The following CPPED1 variants were observed in gnomAD, a reference collection of about 807,000 sequenced individuals.
The protein encoded by CPPED1 is calcineurin like phosphoesterase domain containing 1.
Under a neutral mutation model 28.0 loss-of-function variants are expected in CPPED1, and 28 were observed. The ratio of observed to expected loss-of-function variants is 1.00; its 90% CI spans 0.74 to 1.37. The LOEUF (loss-of-function observed/expected upper bound fraction) is 1.37, where lower values mean the gene tolerates loss of function less well. Ranked by LOEUF, CPPED1 falls within the 40% of genes most tolerant of loss-of-function variation. CPPED1 has a pLI of 0.00. For missense variants in CPPED1, 504 were observed against 416.5 expected (o/e 1.21, Z -1.83); for synonymous variants, 198 against 180.2 (o/e 1.10, Z -0.79).
chr16:12,734,775 G>A (rs2080218493), intron 2 of CPPED1, among the ~76,000 whole-genome samples: 1 of 152,152 alleles, frequency 6.6e-6, no homozygotes, highest in Non-Finnish European at 1.5e-5. Flanking sequence ...TCAGAGAGAT[G>A]AGTCCTCTCA....
intron 3 of CPPED1, among the ~76,000 whole-genome samples, chr16:12,703,601 G>A (rs2080031668): frequency 6.7e-6 from 1 of 149,916 alleles, no homozygotes. Context: ...AGAATCACTT[G>A]AACCTGGGAG....
chr16:12,674,995 C>A (rs1266992408), intron 3 of CPPED1, among the ~76,000 whole-genome samples: 1 of 152,196 alleles, frequency 6.6e-6, no homozygotes, highest in Non-Finnish European at 1.5e-5. Context: ...CATGGCAGTC[C>A]AGCTCTGCAA....
At chr16:12,748,607 C>T (rs985539078) in intron 2 of CPPED1, among the ~76,000 whole-genome samples, 1 of 152,108 alleles carries the variant, frequency 6.6e-6, no homozygotes. Flanking sequence ...CAAGACTGGC[C>T]GGGCGCGGTG....
At chr16:12,693,062 G>C (rs555121008) in intron 3 of CPPED1, among the ~76,000 whole-genome samples, 11 of 152,194 alleles carry the variant, frequency 7.2e-5, no homozygotes, top group African/African-American at 2.7e-4. Context: ...ATTTAAAATA[G>C]ATTCAAGAGT....
intron 1 of CPPED1, among the ~76,000 whole-genome samples, chr16:12,792,843 G>T (rs1445211674): frequency 6.6e-6 from 1 of 152,124 alleles, no homozygotes; most frequent in Non-Finnish European, 1.5e-5. Context: ...CCCCAGCCAT[G>T]TGAAGTGTCA....
At chr16:12,683,212 T>C (rs766389193) in intron 3 of CPPED1, among the ~76,000 whole-genome samples, 1 of 152,124 alleles carries the variant, frequency 6.6e-6, no homozygotes, top group Non-Finnish European at 1.5e-5. Context: ...CCAAGAAAAA[T>C]TCTGATCAGG....
chr16:12,775,721 CA>C (rs1035377773), intron 2 of CPPED1, among the ~76,000 whole-genome samples: 3 of 152,166 alleles, frequency 2.0e-5, no homozygotes, highest in Non-Finnish European at 4.4e-5. Flanking sequence ...AGCCAGGCTG[CA>C]AAACGAAGCG....
intron 2 of CPPED1, among the ~76,000 whole-genome samples, chr16:12,748,254 A>C (rs1221399588): frequency 6.6e-6 from 1 of 152,200 alleles, no homozygotes; most frequent in Admixed American, 6.5e-5. Context: ...TGTTATACTC[A>C]TATATGGTAA....
At position 12,722,407 on chromosome 16, in the gene CPPED1, G is replaced by C. The variant is rs116631619; in HGVS notation, c.290-17358C>G. On this transcript the variant is annotated intron_variant, in intron 2 of 3. Coordinates refer to ENST00000381774, the MANE Select transcript of CPPED1 (RefSeq NM_018340.3). ...ACGAATGACAGTTTGCAATGAGGAA[G>C]AATTTCCTGCTGGAAAGACTGCTGC... Among the ~76,000 whole-genome samples, 914 of 152,326 alleles carry C rather than the reference G, an allele frequency of 6.0e-3. 15 individuals carry two copies. Among genetic ancestry groups the C allele is most frequent in the African/African-American group, 0.021 (865 of 41,570 alleles).
chr16:12,688,548 A>G (rs1224881742), intron 3 of CPPED1, among the ~76,000 whole-genome samples: 1 of 152,140 alleles, frequency 6.6e-6, no homozygotes. Context: ...CATGTTGGCC[A>G]GGCTGGTCTC....
At chr16:12,793,721 C>A (rs2080610117) in intron 1 of CPPED1, among the ~76,000 whole-genome samples, 1 of 152,160 alleles carries the variant, frequency 6.6e-6, no homozygotes, top group South Asian at 2.1e-4. Context: ...CAGAGACAGG[C>A]TTTTTAAAGA....
intron 1 of CPPED1, among the ~76,000 whole-genome samples, chr16:12,782,837 C>T (rs1313387877): frequency 6.6e-6 from 1 of 152,022 alleles, no homozygotes; most frequent in Admixed American, 6.6e-5. Flanking sequence ...CGTCACTGCA[C>T]TCCAGCCTGG....
chr16:12,717,907 G>C (rs1010963775), intron 2 of CPPED1, among the ~76,000 whole-genome samples: 1 of 152,182 alleles, frequency 6.6e-6, no homozygotes, highest in Non-Finnish European at 1.5e-5. Context: ...CTCTCAAAGT[G>C]CTGTGATTAC....
rs745759880 is a variant in CPPED1 at position 12,662,147 on chromosome 16, G to C, written c.*2739C>G. 2 of 152,102 alleles carry C rather than the reference G, an allele frequency of 1.3e-5. No homozygotes were observed. The highest frequency in any genetic ancestry group is 6.5e-5 in the Admixed American group (1 of 15,272). 9.4% of individuals were successfully genotyped at this position (152,102 alleles called of 1,614,324 possible). A position where few individuals can be genotyped will look rare whatever the true frequency, so the allele number is the denominator to read the frequency against. ...TAAACATTCAAAACCATAGCACTTA[G>C]AATCAGGAAGTCCTTTTATCGTTTT... On this transcript the variant is annotated 3_prime_UTR_variant, in exon 4 of 4. Transcript: ENST00000381774.
intron 3 of CPPED1, among the ~76,000 whole-genome samples, chr16:12,666,166 G>A (rs748542844): frequency 6.6e-6 from 1 of 152,120 alleles, no homozygotes; most frequent in Non-Finnish European, 1.5e-5. Context: ...TAAGGTAGCA[G>A]AGCATGTCTG....
intron 2 of CPPED1, among the ~76,000 whole-genome samples, chr16:12,708,703 T>A (rs549233298): frequency 3.6e-4 from 55 of 152,350 alleles, no homozygotes; most frequent in African/African-American, 1.3e-3. Flanking sequence ...TGTAACAGAA[T>A]CTCTGTAGGG....
intron 2 of CPPED1, among the ~76,000 whole-genome samples, chr16:12,708,374 C>G (rs537608596): frequency 6.6e-6 from 1 of 152,172 alleles, no homozygotes; most frequent in South Asian, 2.1e-4. Context: ...GATGATAATT[C>G]CCATACCTCA....
intron 2 of CPPED1, among the ~76,000 whole-genome samples, chr16:12,773,866 T>C (rs2080483234): frequency 1.3e-5 from 2 of 152,292 alleles, no homozygotes; most frequent in South Asian, 4.1e-4. Flanking sequence ...AAACAATCAT[T>C]TTGTTACACC....
chr16:12,668,225 T>C (rs1042937652), intron 3 of CPPED1, among the ~76,000 whole-genome samples: 3 of 152,166 alleles, frequency 2.0e-5, no homozygotes, highest in Admixed American at 6.5e-5. Context: ...AAAGAAAGGA[T>C]GAAATATTAA....
Sources: allele counts gnomAD v4.1 joint callset (sites outside exome capture counted in the v4.1 genomes callset), GRCh38; gene constraint gnomAD v4.1.1; transcripts MANE v1.5; gene names NCBI Gene and HGNC (gene_info 2026-07-23, HGNC 2026-07-21).